The following FGGY variants were observed in gnomAD, a reference collection of about 807,000 sequenced individuals.
FGGY encodes the protein FGGY carbohydrate kinase domain containing.
Under a neutral mutation model 71.3 loss-of-function variants are expected in FGGY, and 72 were observed. The ratio of observed to expected loss-of-function variants is 1.01; its 90% CI spans 0.84 to 1.23. The LOEUF is 1.23. Ranked by LOEUF, FGGY falls within the 50% of genes most tolerant of loss-of-function variation. The pLI is 0.00. For missense variants in FGGY, 668 were observed against 682.3 expected (o/e 0.98, Z 0.23); for synonymous variants, 251 against 250.3 (o/e 1.00, Z -0.02).
chr1:59,488,533 A>G (rs1329994368), intron 6 of FGGY, among the ~76,000 whole-genome samples: 2 of 148,164 alleles, frequency 1.3e-5, no homozygotes, highest in Non-Finnish European at 3.0e-5. Context: ...ATATATAAAT[A>G]TGTATTATGT....
chr1:59,405,817 T>C (rs999839342), intron 5 of FGGY, among the ~76,000 whole-genome samples: 1 of 152,176 alleles, frequency 6.6e-6, no homozygotes, highest in African/African-American at 2.4e-5. Context: ...CTGCTCCTCA[T>C]GTCACACAGT....
chr1:59,460,310 G>T (rs1320228961), intron 6 of FGGY, among the ~76,000 whole-genome samples: 1 of 152,308 alleles, frequency 6.6e-6, no homozygotes, highest in South Asian at 2.1e-4. Context: ...TAGCACAGCA[G>T]TCCGAGATCG....
intron 5 of FGGY, among the ~76,000 whole-genome samples, chr1:59,397,739 A>G (rs1021481304): frequency 2.6e-5 from 4 of 152,196 alleles, no homozygotes; most frequent in Admixed American, 1.3e-4. Context: ...TATACCCTGT[A>G]TTAGTTTAAA....
intron 7 of FGGY, 92 bp from the exon 8 acceptor site, chr1:59,554,032 A>T: frequency 9.7e-7 from 1 of 1,033,718 alleles, no homozygotes; most frequent in Non-Finnish European, 1.4e-6. Flanking sequence ...TTTGACTATT[A>T]AAAAGAAGAT....
chr1:59,340,981 C>T (rs1455710329), intron 3 of FGGY, among the ~76,000 whole-genome samples: 1 of 152,160 alleles, frequency 6.6e-6, no homozygotes, highest in African/African-American at 2.4e-5. Flanking sequence ...CCAAGATAGC[C>T]ATTGCAAACA....
At chr1:59,383,220 T>C (rs2059686794) in intron 5 of FGGY, among the ~76,000 whole-genome samples, 1 of 152,182 alleles carries the variant, frequency 6.6e-6, no homozygotes, top group African/African-American at 2.4e-5. Context: ...CCAGGTCTTC[T>C]AGTTTTCAGC....
Position 59,411,359 on chromosome 1 carries a change from G to C in FGGY, c.554+32522G>C, listed in dbSNP as rs74557075. On this transcript the variant is annotated intron_variant, in intron 5 of 15. Coordinates refer to ENST00000303721, the MANE Select transcript of FGGY (RefSeq NM_018291.5). ...AGGAGGCACATGATGCCGATTTATC[G>C]TATCACAGGTGATGTGAACTTTGGC... Among the ~76,000 whole-genome samples, 574 of 152,298 alleles carry C rather than the reference G, an allele frequency of 3.8e-3. 4 individuals are homozygous for C. Among genetic ancestry groups the C allele is most frequent in the African/African-American group, 0.013 (537 of 41,554 alleles).
chr1:59,529,115 C>A (rs866974106), intron 7 of FGGY, among the ~76,000 whole-genome samples: 2 of 152,066 alleles, frequency 1.3e-5, no homozygotes, highest in Non-Finnish European at 2.9e-5. Flanking sequence ...TGAATACATG[C>A]GTGAATGAAT....
At chr1:59,438,863 T>A (rs1347459934) in intron 5 of FGGY, among the ~76,000 whole-genome samples, 2 of 152,230 alleles carry the variant, frequency 1.3e-5, no homozygotes, top group African/African-American at 4.8e-5. Context: ...TTCCAAGTTT[T>A]CTTATTTCCT....
chr1:59,391,250 C>T (rs544333622), intron 5 of FGGY, among the ~76,000 whole-genome samples: 1 of 152,148 alleles, frequency 6.6e-6, no homozygotes, highest in African/African-American at 2.4e-5. Flanking sequence ...TGGGTAGGTG[C>T]CCAGGAGATT....
chr1:59,449,636 A>G (rs1376589134), intron 5 of FGGY, among the ~76,000 whole-genome samples: 1 of 152,034 alleles, frequency 6.6e-6, no homozygotes, highest in Non-Finnish European at 1.5e-5. Flanking sequence ...TTTATATTGA[A>G]AATAAGTATT....
rs1441160670 is a variant in FGGY, at chr1:59,607,856, C to T, written c.957C>T (p.Ala319=). 1.2e-6 allele frequency: 2 copies of T among 1,613,970 alleles called. No individual in the cohort carries two copies. The highest frequency in any genetic ancestry group is 1.3e-5 in the African/African-American group (1 of 74,916). ...VPGVWGPYFS[A]MVPGFWLNEG... ...GCGTCTGGGGGCCTTATTTCTCAGC[C>T]ATGGTACCTGGGTTCTGGCTGAATG... Residue 319 remains alanine (A), a synonymous_variant, in exon 9 of 16, where the codon GCC becomes GCT. Transcript: ENST00000303721.
chr1:59,333,490 G>C (rs2048889519), intron 2 of FGGY, among the ~76,000 whole-genome samples: 1 of 152,178 alleles, frequency 6.6e-6, no homozygotes, highest in Admixed American at 6.5e-5. Flanking sequence ...TACTGCCAAG[G>C]AAGCTGCTTA....
chr1:59,438,630 A>G (rs1250112395), intron 5 of FGGY, among the ~76,000 whole-genome samples: 1 of 152,222 alleles, frequency 6.6e-6, no homozygotes, highest in Non-Finnish European at 1.5e-5. Context: ...GTCCCCGGGA[A>G]ACCAAAAGTT....
chr1:59,725,348 A>G (rs1261349760), intron 14 of FGGY, among the ~76,000 whole-genome samples: 2 of 152,104 alleles, frequency 1.3e-5, no homozygotes, highest in Non-Finnish European at 2.9e-5. Context: ...TTCTTTCCCC[A>G]ACCTTACACT....
chr1:59,663,450 T>A (rs1462929736), intron 12 of FGGY, among the ~76,000 whole-genome samples: 1 of 152,140 alleles, frequency 6.6e-6, no homozygotes, highest in Non-Finnish European at 1.5e-5. Context: ...CCTTTCCTGG[T>A]AAGAGTACTG....
At position 59,512,327 on chromosome 1, in the gene FGGY, T is replaced by C; in HGVS notation, c.687T>C (p.Pro229=). Residue 229 remains proline, a synonymous_variant, in exon 7 of 16, where the codon CCT becomes CCC. Transcript: ENST00000303721. ...NYSKIGNQVL[P]PGASLGNGLT... is the part of the protein sequence containing the mutation. ...TCTACCCAGGAAACCAAGTGCTACC[T>C]CCTGGAGCTTCTCTTGGAAATGGGC... 1 of 1,611,700 alleles carries C rather than the reference T, an allele frequency of 6.2e-7. No individual in the cohort carries two copies. Among genetic ancestry groups the C allele is most frequent in the Non-Finnish European group, 8.5e-7 (1 of 1,178,656 alleles).
intron 2 of FGGY, among the ~76,000 whole-genome samples, chr1:59,337,922 TC>T (rs2049916693): frequency 6.6e-6 from 1 of 152,232 alleles, no homozygotes; most frequent in Non-Finnish European, 1.5e-5. Context: ...AAAGTGAACA[TC>T]CTTGCTTCAT....
intron 6 of FGGY, among the ~76,000 whole-genome samples, chr1:59,498,873 A>G (rs1261769911): frequency 1.3e-5 from 2 of 151,890 alleles, no homozygotes; most frequent in African/African-American, 4.8e-5. Flanking sequence ...GGCAAATTCC[A>G]CTCCTCCCCC....
Sources: gnomAD v4.1 joint callset for allele counts (sites outside exome capture counted in the v4.1 genomes callset) on GRCh38, gnomAD v4.1.1 for gene constraint, MANE v1.5 for transcripts, NCBI Gene and HGNC (gene_info 2026-07-23, HGNC 2026-07-21) for gene names.